KCND2: variants seen among roughly 807,000 people sequenced by gnomAD.
KCND2 encodes the protein A-type voltage-gated potassium channel KCND2.
A neutral mutation model predicts 54.4 loss-of-function variants in KCND2; 16 were observed. The ratio of observed to expected loss-of-function variants is 0.29; its 90% confidence interval spans 0.20 to 0.45. KCND2 has a LOEUF of 0.45. Among genes scored for constraint, KCND2 ranks in the 20% least tolerant of loss-of-function variants. The pLI is 1.00. For missense variants in KCND2, 486 were observed against 824.2 expected (o/e 0.59, Z 5.02); for synonymous variants, 317 against 310.7 (o/e 1.02, Z -0.21).
chr7:120,283,013 C>T (rs1321439258), intron 1 of KCND2, among the ~76,000 whole-genome samples: 1 of 152,136 alleles, frequency 6.6e-6, no homozygotes, highest in Non-Finnish European at 1.5e-5. Flanking sequence ...CAAAATACAT[C>T]TGGGTAACAA....
intron 1 of KCND2, among the ~76,000 whole-genome samples, chr7:120,527,079 A>G (rs1441506776): frequency 6.6e-6 from 1 of 152,128 alleles, no homozygotes; most frequent in East Asian, 1.9e-4. Context: ...GATCTGCACA[A>G]TGTACTGGCG....
intron 1 of KCND2, among the ~76,000 whole-genome samples, chr7:120,523,177 CG>C (rs1791720856): frequency 6.6e-6 from 1 of 152,106 alleles, no homozygotes; most frequent in Non-Finnish European, 1.5e-5. Flanking sequence ...GTGTTGTTTC[CG>C]CTATCCATGT....
intron 1 of KCND2, among the ~76,000 whole-genome samples, chr7:120,366,836 G>A (rs565267813): frequency 1.3e-5 from 2 of 152,222 alleles, no homozygotes; most frequent in Non-Finnish European, 2.9e-5. Context: ...GACCTTGGGT[G>A]TAATACCAAC....
At chr7:120,412,731 C>T (rs1801470048) in intron 1 of KCND2, among the ~76,000 whole-genome samples, 1 of 152,072 alleles carries the variant, frequency 6.6e-6, no homozygotes, top group African/African-American at 2.4e-5. Context: ...TTCCAGAATG[C>T]TTTCTCCACA....
At chr7:120,277,261 C>A (rs1028462396) in intron 1 of KCND2, among the ~76,000 whole-genome samples, 1 of 152,018 alleles carries the variant, frequency 6.6e-6, no homozygotes, top group Non-Finnish European at 1.5e-5. Flanking sequence ...TCTTATATTT[C>A]CTTTTTATCT....
chr7:120,451,401 A>G (rs902798913), intron 1 of KCND2, among the ~76,000 whole-genome samples: 2 of 152,216 alleles, frequency 1.3e-5, no homozygotes, highest in Non-Finnish European at 2.9e-5. Flanking sequence ...AGAAGAAGTG[A>G]GAAATCAATA....
chr7:120,639,553 C>T (rs1222368896), intron 1 of KCND2, among the ~76,000 whole-genome samples: 1 of 152,184 alleles, frequency 6.6e-6, no homozygotes, highest in African/African-American at 2.4e-5. Flanking sequence ...GCTCACTTAA[C>T]ACAGCATGGG....
intron 1 of KCND2, among the ~76,000 whole-genome samples, chr7:120,729,332 G>T (rs1164611161): frequency 6.6e-6 from 1 of 152,160 alleles, no homozygotes; most frequent in Admixed American, 6.5e-5. Context: ...CGAATAGTGA[G>T]ATATGCTTAA....
At chr7:120,598,823 A>G (rs1321678347) in intron 1 of KCND2, among the ~76,000 whole-genome samples, 1 of 152,186 alleles carries the variant, frequency 6.6e-6, no homozygotes, top group Non-Finnish European at 1.5e-5. Context: ...TTCTTAATGA[A>G]CATTTAGATA....
intron 1 of KCND2, among the ~76,000 whole-genome samples, chr7:120,384,380 G>A (rs1252726046): frequency 6.6e-6 from 1 of 151,802 alleles, no homozygotes; most frequent in African/African-American, 2.4e-5. Flanking sequence ...TGTCAAAGTG[G>A]GTATTATTTA....
At chr7:120,351,361 AGCATACAC>A (rs1351812879) in intron 1 of KCND2, among the ~76,000 whole-genome samples, 94 of 117,758 alleles carry the variant, frequency 8.0e-4, no homozygotes, top group African/African-American at 3.2e-3. Context: ...AAAATCGAAG[AGCATACAC>A]ACACACACAC....
chr7:120,279,587 A>G (rs747442225), intron 1 of KCND2, among the ~76,000 whole-genome samples: 36 of 151,946 alleles, frequency 2.4e-4, no homozygotes, highest in Admixed American at 2.2e-3. Flanking sequence ...AATTTGTATT[A>G]TATATTTATC....
chr7:120,384,907 G>A (rs752995875), intron 1 of KCND2, among the ~76,000 whole-genome samples: 1 of 150,898 alleles, frequency 6.6e-6, no homozygotes, highest in Non-Finnish European at 1.5e-5. Context: ...TCGGGAAGAC[G>A]AGTTGTATTT....
Position 120,574,451 on chromosome 7 carries a change from A to T in KCND2, c.1116-158452A>T, listed in dbSNP as rs186816969. On this transcript the variant is annotated intron_variant, in intron 1 of 5. Transcript: ENST00000331113. The stretch of plus-strand genomic sequence containing the variant: ...ATGTCCAATAATGCCATTGGTTACA[A>T]TATCTGCTAAAGCATACATGGATTT... 2.0e-5 allele frequency among the ~76,000 whole-genome samples: 3 copies of T among 152,346 alleles called. No homozygotes were observed. The East Asian group carries it at 5.8e-4, about 29-fold the overall frequency.
At chr7:120,564,218 T>G (rs1052547570) in intron 1 of KCND2, among the ~76,000 whole-genome samples, 1 of 152,146 alleles carries the variant, frequency 6.6e-6, no homozygotes, top group African/African-American at 2.4e-5. Flanking sequence ...GTTGAAATTT[T>G]TGTAGTAATG....
chr7:120,620,101 T>A (rs1793079365), intron 1 of KCND2, among the ~76,000 whole-genome samples: 1 of 152,188 alleles, frequency 6.6e-6, no homozygotes, highest in Non-Finnish European at 1.5e-5. Flanking sequence ...TTAAGAATAA[T>A]TTTGTAAGTA....
At chr7:120,418,015 A>G (rs1457788020) in intron 1 of KCND2, among the ~76,000 whole-genome samples, 2 of 152,230 alleles carry the variant, frequency 1.3e-5, no homozygotes, top group Non-Finnish European at 2.9e-5. Flanking sequence ...GCCCGATTCA[A>G]GAAACATTTT....
At position 120,748,546 on chromosome 7, in the gene KCND2, T is replaced by G. The variant is rs567253646; in HGVS notation, c.*688T>G. ...CATTAGTAAATCTAAAGTGTTCAGA[T>G]AGTTCAGTATTCATTATCGTTTAAC... is the stretch of plus-strand genomic sequence containing the variant. On this transcript the variant is annotated 3_prime_UTR_variant, in exon 6 of 6. Transcript: ENST00000331113. 2 of 152,594 alleles carry G rather than the reference T, an allele frequency of 1.3e-5. No homozygotes were observed. Among genetic ancestry groups the G allele is most frequent in the Non-Finnish European group, 2.9e-5 (2 of 67,922 alleles). The allele number at this position is 152,594 out of a possible 1,614,324, so 9.5% of individuals were successfully genotyped here.
chr7:120,294,597 A>T (rs1273844890), intron 1 of KCND2, among the ~76,000 whole-genome samples: 1 of 151,938 alleles, frequency 6.6e-6, no homozygotes, highest in Non-Finnish European at 1.5e-5. Context: ...TAGAGAGAAC[A>T]TACATATAGG....
Sources: allele counts gnomAD v4.1 joint callset (sites outside exome capture counted in the v4.1 genomes callset), GRCh38; gene constraint gnomAD v4.1.1; transcripts MANE v1.5; gene names NCBI Gene and HGNC (gene_info 2026-07-23, HGNC 2026-07-21).